QARS1: variants seen among roughly 807,000 people sequenced by gnomAD.
The protein encoded by QARS1 is glutamine--tRNA ligase.
QARS1 carries 79 observed loss-of-function variants against 106.9 expected under a neutral mutation model. The ratio of observed to expected loss-of-function variants is 0.74; its 90% CI spans 0.62 to 0.89. The LOEUF (loss-of-function observed/expected upper bound fraction) is 0.89. Among genes scored for constraint, QARS1 ranks in the 40% least tolerant of loss-of-function variants. The probability of loss-of-function intolerance (pLI) is 0.00; values close to 1 mark genes in which losing one functional copy is unlikely to be tolerated. For synonymous variants in QARS1, 395 were observed against 367.7 expected (o/e 1.07, Z -0.85); for missense variants, 966 against 997.2 (o/e 0.97, Z 0.42).
rs1194206433 is a variant in QARS1 at position 49,102,237 on chromosome 3, T to G, written c.599A>C (p.Asp200Ala). The G allele has an allele frequency of 6.2e-7, 1 of 1,614,216 alleles. No individual in the cohort carries two copies. The highest frequency in any genetic ancestry group is 1.1e-5 in the South Asian group (1 of 91,088). ...KVAKARLEET[D>A]RRTAKDVVEN... Reference sequence around the variant, plus strand: ...CACCACATCCTTTGCCGTCCTCCGGTCTGTTTCTTCTAGCCGAGCTTTTGC... The same window carrying G: ...CACCACATCCTTTGCCGTCCTCCGGGCTGTTTCTTCTAGCCGAGCTTTTGC... The change falls in exon 7 of 24, where the codon GAC becomes GCC. Residue 200 changes from aspartate to alanine, a missense_variant. By Grantham distance (126) the Asp-to-Ala change is moderately radical (BLOSUM62 -2). Coordinates refer to ENST00000306125, the MANE Select transcript of QARS1 (RefSeq NM_005051.3).
chr3:49,099,302 C>T (rs1325739038), intron 17 of QARS1, 42 bp downstream of exon 17: 1 of 1,614,076 alleles, frequency 6.2e-7, no homozygotes, highest in Non-Finnish European at 8.5e-7. Context: ...CAAACTGCCA[C>T]ACTCAACCCC....
intron 2 of QARS1, 127 bp downstream of exon 2, chr3:49,104,197 A>C: frequency 7.1e-7 from 1 of 1,407,380 alleles, no homozygotes; most frequent in Non-Finnish European, 9.9e-7. Flanking sequence ...CACCCCTTCC[A>C]TGCCTCAGTG....
chr3:49,099,616 G>A lies in QARS1; in HGVS notation c.1420C>T (p.Leu474=). The part of the protein sequence containing the change: ...RSSYFWLCNA[L]DVYCPVQWEY... ...CACTGCACAGGGCAATAGACGTCCA[G>A]TGCATTGCAAAGCCAGAAGTAGGAA... The change falls in exon 16 of 24, where the codon CTG becomes TTG. Residue 474 remains leucine, a synonymous_variant. Coordinates refer to ENST00000306125, the MANE Select transcript of QARS1 (RefSeq NM_005051.3). 1.2e-6 allele frequency: 2 copies of A among 1,614,116 alleles called. No individual in the cohort carries two copies. Among genetic ancestry groups the A allele is most frequent in the Non-Finnish European group, 1.7e-6 (2 of 1,179,968 alleles).
At chr3:49,101,332 C>A in intron 10 of QARS1, 23 bp downstream of exon 10, 1 of 1,570,498 alleles carries the variant, frequency 6.4e-7, no homozygotes, top group Non-Finnish European at 8.7e-7. Context: ...TCTTGCTTGC[C>A]AGGTCCCTAG....
chr3:49,102,051 C>T, intron 7 of QARS1, 152 bp from the exon 8 acceptor site: 1 of 1,329,832 alleles, frequency 7.5e-7, no homozygotes, highest in Non-Finnish European at 1.0e-6. Flanking sequence ...AGTCTCTGGG[C>T]AAAGGGAACA....
rs367692530 is a variant in QARS1 at position 49,098,180 on chromosome 3, T to C, written c.2151+12A>G. ...AGGCCTACCTCCCTCACCCCAAACC[T>C]CATGAACCTACCAGGTTCAGGTCAC... On this transcript the variant is annotated intron_variant, in intron 22 of 23. Coordinates refer to ENST00000306125, the MANE Select transcript of QARS1 (RefSeq NM_005051.3). The C allele has an allele frequency of 8.1e-6, 13 of 1,614,016 alleles. No homozygotes were observed. The highest frequency in any genetic ancestry group is 9.3e-6 in the Non-Finnish European group (11 of 1,180,004).
At chr3:49,102,129 A>G in intron 7 of QARS1, 76 bp downstream of exon 7, 14 of 1,572,804 alleles carry the variant, frequency 8.9e-6, no homozygotes, top group Non-Finnish European at 1.2e-5. Context: ...GGGCCTGAGG[A>G]GCCTGTAAGG....
At position 49,100,797 on chromosome 3, in the gene QARS1, T is replaced by C. The variant is rs543976215; in HGVS notation, c.877-123A>G. 8.1e-5 allele frequency: 66 copies of C among 817,472 alleles called. No individual in the cohort carries two copies. The Middle Eastern group carries it at 8.8e-4, about 11-fold the overall frequency. 50.6% of individuals were successfully genotyped at this position (817,472 alleles called of 1,614,324 possible). A position where few individuals can be genotyped will look rare whatever the true frequency, so the allele number is the denominator to read the frequency against. On this transcript the variant is annotated intron_variant, in intron 10 of 23. Transcript: ENST00000306125. ...AATTTTCTTTTTTTTTGAGATGGAG[T>C]CTTGATTATCTTGCACCATCTTGGC...
rs1168096655 is a variant in QARS1 at position 49,102,219 on chromosome 3, T to G, written c.617A>C (p.Asp206Ala). The change falls in exon 7 of 24, where the codon GAT (aspartate) becomes GCT (alanine). Residue 206 changes from aspartate to alanine, a missense_variant. Transcript: ENST00000306125. ...LEETDRRTAK[D>A]VVENGETADQ... is the part of the protein sequence containing the mutation. ...AAGCTTCTCACCATTCTCCACCACATCCTTTGCCGTCCTCCGGTCTGTTTC... is the reference window on the plus strand; with the variant it reads ...AAGCTTCTCACCATTCTCCACCACAGCCTTTGCCGTCCTCCGGTCTGTTTC... The G allele has an allele frequency of 1.2e-6, 2 of 1,614,146 alleles. No homozygotes were observed. Among genetic ancestry groups the G allele is most frequent in the Non-Finnish European group, 1.7e-6 (2 of 1,180,032 alleles).
intron 22 of QARS1, 32 bp downstream of exon 22, chr3:49,098,160 T>C (rs1043530852): frequency 6.2e-7 from 1 of 1,613,532 alleles, no homozygotes; most frequent in Non-Finnish European, 8.5e-7. Context: ...CAGGGAGGCC[T>C]ACCTCCCTCA....
rs1559968699 is a variant in QARS1 at position 49,101,438 on chromosome 3, G to A, written c.793C>T (p.Arg265Cys). The A allele has an allele frequency of 6.2e-6, 10 of 1,612,022 alleles. No homozygotes were observed. The highest frequency in any genetic ancestry group is 8.5e-6 in the Non-Finnish European group (10 of 1,178,154). The change falls in exon 10 of 24, where the codon CGT becomes TGT. Residue 265 changes from arginine to cysteine, a missense_variant. Physicochemically the swap from Arg to Cys is radical, Grantham distance 180 (BLOSUM62 -3). Coordinates refer to ENST00000306125, the MANE Select transcript of QARS1 (RefSeq NM_005051.3). ...QHLEITGGQV[R>C]TRFPPEPNGI... is the part of the protein sequence containing the mutation. ...TTGGGTTCTGGCGGGAACCGGGTAC[G>A]TACCTAAAATAAGGGGGATGGGAAA... is the stretch of plus-strand genomic sequence containing the variant.
chr3:49,100,731 G>A, intron 10 of QARS1, 57 bp from the exon 11 acceptor site: 3 of 1,368,218 alleles, frequency 2.2e-6, no homozygotes, highest in Non-Finnish European at 3.1e-6. Context: ...CCACAATCCT[G>A]TTTATCAAAC....
Position 49,099,370 on chromosome 3 carries a change from CAGGTG to C in QARS1, c.1583_1587del (p.Pro528ArgfsTer30). 1 of 1,614,178 alleles carries C rather than the reference CAGGTG, an allele frequency of 6.2e-7. No individual in the cohort carries two copies. Among genetic ancestry groups the C allele is most frequent in the Non-Finnish European group, 8.5e-7 (1 of 1,180,008 alleles). On this transcript the variant is annotated frameshift_variant, in exon 17 of 24. Coordinates refer to ENST00000306125, the MANE Select transcript of QARS1 (RefSeq NM_005051.3). LOFTEE classifies it high-confidence loss of function. Reference sequence around the variant, plus strand: ...CGGGCACAGAAGTTGTTGATGGCCTCAGGTGGGAAGCCCCGCCGTCGCAGGGCCGT... The same window carrying C: ...CGGGCACAGAAGTTGTTGATGGCCTCGGAAGCCCCGCCGTCGCAGGGCCGT...
intron 2 of QARS1, 28 bp from the exon 3 acceptor site, chr3:49,104,000 G>C (rs1454071482): frequency 6.3e-7 from 1 of 1,576,552 alleles, no homozygotes; most frequent in East Asian, 2.3e-5. Context: ...GTGAGTTTGT[G>C]GCATCTCTGC....
In QARS1 at chr3:49,098,085, C is replaced by T. The variant is rs1377061002; in HGVS notation, c.2184G>A (p.Val728=). ...GTTTTGCCAGGGCCACAGAGCAGTC[C>T]ACTAATGCTGCATCCACCACGTGTA... The part of the protein sequence containing the change: ...ASLHVVDAAL[V]DCSVALAKPF... Residue 728 remains valine, a synonymous_variant, in exon 23 of 24, where the codon GTG becomes GTA. Transcript: ENST00000306125. 6.2e-7 allele frequency: 1 copy of T among 1,614,144 alleles called. No homozygotes were observed. The highest frequency in any genetic ancestry group is 1.7e-5 in the Admixed American group (1 of 60,024).
chr3:49,104,389 C>T lies in QARS1; in HGVS notation c.200G>A (p.Arg67Gln), dbSNP rs1575404377. 9 of 1,614,068 alleles carry T rather than the reference C, an allele frequency of 5.6e-6. No homozygotes were observed. Among genetic ancestry groups the T allele is most frequent in the Admixed American group, 1.7e-5 (1 of 60,010 alleles). ...GTAGCTTACAAGGAAGGAGAGACGC[C>T]GGGTATCCCTGAGTCGGGAGGCCAA... Reference protein sequence around the residue: ...YGLASRLRDTRRLSFLVSYIA... With the variant: ...YGLASRLRDTQRLSFLVSYIA... The change falls in exon 2 of 24, where the codon CGG becomes CAG. Residue 67 changes from arginine to glutamine, a missense_variant. Coordinates refer to ENST00000306125, the MANE Select transcript of QARS1 (RefSeq NM_005051.3).
In QARS1 at chr3:49,102,230, C is replaced by T. The variant is rs1343982840; in HGVS notation, c.606G>A (p.Arg202=). ...AKARLEETDR[R]TAKDVVENGE... Reference sequence around the variant, plus strand: ...CATTCTCCACCACATCCTTTGCCGTCCTCCGGTCTGTTTCTTCTAGCCGAG... The same window carrying T: ...CATTCTCCACCACATCCTTTGCCGTTCTCCGGTCTGTTTCTTCTAGCCGAG... Residue 202 remains arginine (R), a synonymous_variant, in exon 7 of 24, where the codon AGG becomes AGA. Coordinates refer to ENST00000306125, the MANE Select transcript of QARS1 (RefSeq NM_005051.3). The T allele has an allele frequency of 3.7e-6, 6 of 1,614,232 alleles. No individual in the cohort carries two copies. The highest frequency in any genetic ancestry group is 1.6e-4 in the Middle Eastern group (1 of 6,062).
chr3:49,099,706 G>C, intron 15 of QARS1, 55 bp downstream of exon 15: 1 of 1,612,774 alleles, frequency 6.2e-7, no homozygotes, highest in Non-Finnish European at 8.5e-7. Context: ...GAGACCACAG[G>C]AAGGGCTGCT....
At chr3:49,096,155 C>T in intron 23 of QARS1, 76 bp from the exon 24 acceptor site, 3 of 1,467,992 alleles carry the variant, frequency 2.0e-6, no homozygotes, top group East Asian at 2.3e-5. Context: ...TCACCACAGA[C>T]ACCTCCCCCT....
Sources: allele counts gnomAD v4.1 joint callset, GRCh38; gene constraint gnomAD v4.1.1; transcripts MANE v1.5; gene names NCBI Gene and HGNC (gene_info 2026-07-23, HGNC 2026-07-21).